SIK2: variants seen among roughly 807,000 people sequenced by gnomAD.
The protein encoded by SIK2 is salt inducible kinase 2, also known as serine/threonine-protein kinase SIK2.
Under a neutral mutation model 103.2 loss-of-function variants are expected in SIK2, and 29 were observed. That is an observed-to-expected ratio of 0.28 (90% CI 0.21 to 0.38). The LOEUF (loss-of-function observed/expected upper bound fraction) is 0.38. Ranked by LOEUF, SIK2 falls within the 10% of genes least tolerant of loss-of-function variation. The pLI, the probability that SIK2 is intolerant of heterozygous loss-of-function variation, is 1.00. For missense variants in SIK2, 879 were observed against 1,171.0 expected (o/e 0.75, Z 3.64); for synonymous variants, 412 against 446.1 (o/e 0.92, Z 0.96).
intron 3 of SIK2, among the ~76,000 whole-genome samples, chr11:111,668,176 AG>A (rs1555030379): frequency 2.2e-5 from 1 of 45,194 alleles, no homozygotes; most frequent in African/African-American, 6.3e-5. Context: ...AACTAAAGTA[AG>A]GAGTGTGTGT....
At chr11:111,618,513 T>C (rs1323540484) in intron 2 of SIK2, among the ~76,000 whole-genome samples, 1 of 152,122 alleles carries the variant, frequency 6.6e-6, no homozygotes, top group Non-Finnish European at 1.5e-5. Context: ...ATCAAATTTA[T>C]ATCAGATTAG....
chr11:111,613,436 T>C (rs940101252), intron 1 of SIK2, among the ~76,000 whole-genome samples: 6 of 152,188 alleles, frequency 3.9e-5, no homozygotes, highest in African/African-American at 7.2e-5. Context: ...CTTCAAAATA[T>C]GCATGTCCGT....
chr11:111,697,691 G>T (rs1344415682), intron 4 of SIK2, among the ~76,000 whole-genome samples: 2 of 152,030 alleles, frequency 1.3e-5, no homozygotes, highest in African/African-American at 2.4e-5. Context: ...TTCTTCAGAT[G>T]ATTACAAATA....
chr11:111,603,259 A>C (rs1395121723), intron 1 of SIK2, among the ~76,000 whole-genome samples: 1 of 149,882 alleles, frequency 6.7e-6, no homozygotes, highest in Non-Finnish European at 1.5e-5. Context: ...GCCACTGTCC[A>C]TCTCCTCTCC....
At chr11:111,650,845 T>C (rs1176430943) in intron 3 of SIK2, among the ~76,000 whole-genome samples, 1 of 152,206 alleles carries the variant, frequency 6.6e-6, no homozygotes, top group Non-Finnish European at 1.5e-5. Flanking sequence ...TCTACTTTAA[T>C]GTTTAATCAA....
At chr11:111,668,643 T>C (rs1327331070) in intron 3 of SIK2, among the ~76,000 whole-genome samples, 1 of 152,230 alleles carries the variant, frequency 6.6e-6, no homozygotes, top group Non-Finnish European at 1.5e-5. Context: ...CAACTTTGGC[T>C]TGTAGTCCGA....
chr11:111,634,983 A>G (rs1942087859), intron 3 of SIK2, among the ~76,000 whole-genome samples: 1 of 152,226 alleles, frequency 6.6e-6, no homozygotes, highest in African/African-American at 2.4e-5. Context: ...TGTAAGATGT[A>G]GGATCTTTCC....
chr11:111,714,861 A>G (rs569623126), intron 9 of SIK2, among the ~76,000 whole-genome samples: 1 of 152,310 alleles, frequency 6.6e-6, no homozygotes, highest in East Asian at 1.9e-4. Flanking sequence ...GGTTGCTACT[A>G]CAGTCCCACT....
intron 4 of SIK2, among the ~76,000 whole-genome samples, chr11:111,693,059 C>T (rs1231345446): frequency 6.6e-6 from 1 of 152,096 alleles, no homozygotes; most frequent in East Asian, 1.9e-4. Flanking sequence ...ACAGGCCGGG[C>T]GCAGTGGCTC....
At chr11:111,633,561 G>A (rs760165463) in intron 3 of SIK2, among the ~76,000 whole-genome samples, 6 of 152,064 alleles carry the variant, frequency 3.9e-5, no homozygotes, top group Admixed American at 3.3e-4. Context: ...TACTCTTCAC[G>A]AGATAAACAT....
chr11:111,692,060 A>G (rs886710137), intron 4 of SIK2, among the ~76,000 whole-genome samples: 2 of 152,092 alleles, frequency 1.3e-5, no homozygotes, highest in African/African-American at 4.8e-5. Context: ...AGAGAAAGAA[A>G]GAGGGAGAGG....
At position 111,687,931 on chromosome 11, in the gene SIK2, A is replaced by C; in HGVS notation, c.317-70A>C. On this transcript the variant is annotated intron_variant, in intron 3 of 14. Transcript: ENST00000304987. ...GAAAAAAAACTTTTTGAGGAAAAAA[A>C]TTTCCTGACTACTAATAGTGGAGTT... The C allele has an allele frequency of 1.5e-5, 24 of 1,554,752 alleles. 1 individual carries two copies. The South Asian group carries it at 2.6e-4, about 17-fold the overall frequency.
Position 111,721,892 on chromosome 11 carries a change from G to T in SIK2, c.2007G>T (p.Leu669=). Residue 669 remains leucine, a synonymous_variant, in exon 13 of 15, where the codon CTG becomes CTT. Transcript: ENST00000304987. ...STLPASVHPQ[L]SPRQSLETQY... ...TCCCTGCCAGCGTGCATCCCCAGCT[G>T]TCCCCACGGCAGAGCCTGGAGACCC... The T allele has an allele frequency of 1.2e-6, 2 of 1,612,322 alleles. No individual in the cohort carries two copies. The highest frequency in any genetic ancestry group is 8.5e-7 in the Non-Finnish European group (1 of 1,179,112).
chr11:111,681,387 AT>A (rs1389703909), intron 3 of SIK2, among the ~76,000 whole-genome samples: 2 of 152,226 alleles, frequency 1.3e-5, no homozygotes, highest in African/African-American at 4.8e-5. Context: ...AAATGAGAAG[AT>A]TATGAAAAAG....
intron 4 of SIK2, among the ~76,000 whole-genome samples, chr11:111,699,889 G>A (rs1268562968): frequency 6.6e-6 from 1 of 152,220 alleles, no homozygotes; most frequent in Non-Finnish European, 1.5e-5. Flanking sequence ...ACTTGATCCA[G>A]TCTTTCTTGA....
chr11:111,605,392 C>T (rs1419237795), intron 1 of SIK2, among the ~76,000 whole-genome samples: 1 of 152,028 alleles, frequency 6.6e-6, no homozygotes, highest in Non-Finnish European at 1.5e-5. Context: ...ATACAACTAC[C>T]TTAAAAACTA....
chr11:111,722,287 T>C lies in SIK2; in HGVS notation c.2055+347T>C, dbSNP rs767702428. 3.9e-5 allele frequency among the ~76,000 whole-genome samples: 6 copies of C among 152,216 alleles called. No individual in the cohort carries two copies. The highest frequency in any genetic ancestry group is 5.9e-5 in the Non-Finnish European group (4 of 68,044). ...GCAGAATTTCTACATGGGCTTTCTA[T>C]GTTGGTGCATAAAAATCTTAAAAAG... On this transcript the variant is annotated intron_variant, in intron 13 of 14. Transcript: ENST00000304987. The surrounding 1 kb of genome is among the most constrained non-coding windows in gnomAD (Gnocchi z 4.4).
At chr11:111,655,292 C>T (rs1269877680) in intron 3 of SIK2, among the ~76,000 whole-genome samples, 1 of 152,104 alleles carries the variant, frequency 6.6e-6, no homozygotes, top group African/African-American at 2.4e-5. Context: ...ATCCCAGCTA[C>T]TCAAGAGGCT....
In SIK2 at chr11:111,720,469, C is replaced by T. The variant is rs765056611; in HGVS notation, c.1496-9C>T. 6 of 1,591,148 alleles carry T rather than the reference C, an allele frequency of 3.8e-6. No individual in the cohort carries two copies. In the Middle Eastern group the frequency reaches 6.7e-4, roughly 179 times the overall value. Reference sequence around the variant, plus strand: ...CTGTTGGTTTTATCTGTTCTGTTTTCTCTTAAAGGGAAAATTTTCTCCATG... The same window carrying T: ...CTGTTGGTTTTATCTGTTCTGTTTTTTCTTAAAGGGAAAATTTTCTCCATG... On this transcript the variant is annotated splice_polypyrimidine_tract_variant and intron_variant, in intron 10 of 14. Transcript: ENST00000304987.
Sources: allele counts gnomAD v4.1 joint callset (sites outside exome capture counted in the v4.1 genomes callset), GRCh38; gene constraint gnomAD v4.1.1; non-coding constraint Gnocchi (gnomAD v3.1); transcripts MANE v1.5; gene names NCBI Gene and HGNC (gene_info 2026-07-23, HGNC 2026-07-21).